The following RRN3 variants were observed in gnomAD, a reference collection of about 807,000 sequenced individuals.
RRN3 encodes the protein RNA polymerase I transcription factor RRN3.
Under a neutral mutation model 82.3 loss-of-function variants are expected in RRN3, and 38 were observed. The observed-to-expected ratio is 0.46, with a 90% CI of 0.36 to 0.61. The LOEUF (loss-of-function observed/expected upper bound fraction) is 0.61. RRN3 is among the 20% of genes least tolerant of loss of function. RRN3 has a pLI of 0.00. For synonymous variants in RRN3, 284 were observed against 284.3 expected, an observed-to-expected ratio of 1.00 and a Z score of 0.01; for missense variants, 726 against 793.1, an observed-to-expected ratio of 0.92 and a Z score of 1.02.
chr16:15,084,565 A>T, intron 7 of RRN3, 77 bp downstream of exon 7: 2 of 1,058,662 alleles, frequency 1.9e-6, no homozygotes, highest in Non-Finnish European at 2.8e-6. Context: ...TAATACTATT[A>T]ACATTTTATA....
chr16:15,086,580 A>T, intron 3 of RRN3, 126 bp from the exon 4 acceptor site: 1 of 1,397,784 alleles, frequency 7.2e-7, no homozygotes, highest in Non-Finnish European at 9.7e-7. Flanking sequence ...CTTGGAAGGA[A>T]CTCAAAACTG....
chr16:15,064,210 C>T lies in RRN3; in HGVS notation c.1707-927G>A, dbSNP rs751241312. On this transcript the variant is annotated intron_variant, in intron 16 of 17. Coordinates refer to ENST00000198767, the MANE Select transcript of RRN3 (RefSeq NM_018427.5). ...TGTTTTTCTGAGACAGAGTCTCACT[C>T]TCTCGCCCAGGCTGGAGTGCATTGG... 3.8e-4 allele frequency among the ~76,000 whole-genome samples: 57 copies of T among 151,890 alleles called. 1 individual carries two copies. Among genetic ancestry groups the T allele is most frequent in the Non-Finnish European group, 7.1e-4 (48 of 67,990 alleles).
At chr16:15,066,243 A>T (rs2044966570) in intron 15 of RRN3, among the ~76,000 whole-genome samples, 1 of 152,176 alleles carries the variant, frequency 6.6e-6, no homozygotes, top group African/African-American at 2.4e-5. Context: ...AAAGTTGAAG[A>T]TCTGCATCTC....
chr16:15,063,678 C>T (rs1454034691), intron 16 of RRN3, among the ~76,000 whole-genome samples: 1 of 128,068 alleles, frequency 7.8e-6, no homozygotes, highest in African/African-American at 2.9e-5. Context: ...GCACTCCAGC[C>T]TGGGAGACAG....
intron 3 of RRN3, among the ~76,000 whole-genome samples, chr16:15,088,734 A>G (rs1165975588): frequency 6.6e-6 from 1 of 152,168 alleles, no homozygotes; most frequent in Non-Finnish European, 1.5e-5. Context: ...AAAACTGAAA[A>G]ACGTTCAGTA....
chr16:15,086,548 G>T (rs1419119020), intron 3 of RRN3, 94 bp from the exon 4 acceptor site: 1 of 1,547,504 alleles, frequency 6.5e-7, no homozygotes, highest in Non-Finnish European at 8.7e-7. Context: ...TCAAGAATAG[G>T]TTGGGGGGAA....
intron 1 of RRN3, among the ~76,000 whole-genome samples, chr16:15,093,406 G>C (rs778631251): frequency 9.9e-5 from 15 of 152,206 alleles, no homozygotes; most frequent in African/African-American, 3.4e-4. Flanking sequence ...CCATTACCTT[G>C]TTGTATAACT....
chr16:15,075,463 G>C (rs764660128), intron 10 of RRN3, among the ~76,000 whole-genome samples: 10 of 151,776 alleles, frequency 6.6e-5, no homozygotes, highest in African/African-American at 2.4e-4. Context: ...CCAGCTACTC[G>C]GGGAGGCTGA....
intron 8 of RRN3, among the ~76,000 whole-genome samples, chr16:15,082,772 A>G (rs2045760035): frequency 6.6e-6 from 1 of 152,142 alleles, no homozygotes; most frequent in Non-Finnish European, 1.5e-5. Flanking sequence ...TCGGTTTTCT[A>G]CTAAGGCAAC....
At position 15,065,308 on chromosome 16, in the gene RRN3, G is replaced by C; in HGVS notation, c.1617C>G (p.Val539=). 1.2e-6 allele frequency: 2 copies of C among 1,613,736 alleles called. No homozygotes were observed. The highest frequency in any genetic ancestry group is 1.7e-6 in the Non-Finnish European group (2 of 1,179,690). The part of the protein sequence containing the change: ...IERNNRQMLP[V]IRSTAGGDSV... Reference sequence around the variant, plus strand: ...AGTCTCCTCCAGCGGTACTCCTAATGACTGGCAGCATCTGGCGATTGTTCC... The same window carrying C: ...AGTCTCCTCCAGCGGTACTCCTAATCACTGGCAGCATCTGGCGATTGTTCC... The change falls in exon 16 of 18, where the codon GTC becomes GTG. Residue 539 remains valine (V), a synonymous_variant. Coordinates refer to ENST00000198767, the MANE Select transcript of RRN3 (RefSeq NM_018427.5).
chr16:15,084,842 G>C (rs2045854337), intron 6 of RRN3, 137 bp from the exon 7 acceptor site: 1 of 674,948 alleles, frequency 1.5e-6, no homozygotes. Context: ...GAGGTGGGTG[G>C]ATCACCTGAG....
chr16:15,069,308 G>GCATC (rs2045120454), intron 14 of RRN3, among the ~76,000 whole-genome samples: 1 of 152,168 alleles, frequency 6.6e-6, no homozygotes, highest in Non-Finnish European at 1.5e-5. Context: ...CGACGATGAA[G>GCATC]GATGATGCAG....
intron 6 of RRN3, 45 bp downstream of exon 6, chr16:15,085,594 G>C (rs1209008358): frequency 6.3e-7 from 1 of 1,599,226 alleles, no homozygotes; most frequent in African/African-American, 1.3e-5. Flanking sequence ...CTGGGATTAT[G>C]GGTGAAAGCT....
chr16:15,076,424 A>G (rs961806411), intron 10 of RRN3, 134 bp downstream of exon 10: 102 of 708,328 alleles, frequency 1.4e-4, no homozygotes, highest in Non-Finnish European at 2.3e-4. Flanking sequence ...AATTACTCAT[A>G]TAAGGAATCG....
At chr16:15,092,723 T>C (rs1319505960) in intron 1 of RRN3, 109 bp from the exon 2 acceptor site, 19 of 717,708 alleles carry the variant, frequency 2.6e-5, no homozygotes, top group Non-Finnish European at 4.6e-5. Flanking sequence ...TTAAGGCCTC[T>C]TTACTGGTCT....
At chr16:15,075,968 T>C (rs1597929041) in intron 10 of RRN3, among the ~76,000 whole-genome samples, 1 of 152,098 alleles carries the variant, frequency 6.6e-6, no homozygotes, top group Admixed American at 6.5e-5. Flanking sequence ...AATGACTGAT[T>C]GACAAGGCAT....
intron 11 of RRN3, among the ~76,000 whole-genome samples, chr16:15,074,493 C>A (rs1046918526): frequency 1.3e-5 from 2 of 152,166 alleles, no homozygotes; most frequent in African/African-American, 2.4e-5. Flanking sequence ...TCTTTCAATA[C>A]AACAATCAGT....
intron 14 of RRN3, 149 bp downstream of exon 14, chr16:15,069,921 G>A (rs983453702): frequency 8.7e-6 from 9 of 1,039,736 alleles, no homozygotes; most frequent in Admixed American, 2.5e-5. Context: ...GGGCCTATGA[G>A]CTGCTTGAAA....
intron 16 of RRN3, among the ~76,000 whole-genome samples, chr16:15,064,938 G>A (rs927373813): frequency 4.6e-5 from 7 of 152,134 alleles, no homozygotes; most frequent in South Asian, 2.1e-4. Context: ...AGGCCGAGGC[G>A]GGCGGATCAC....
Sources: allele counts gnomAD v4.1 joint callset (sites outside exome capture counted in the v4.1 genomes callset), GRCh38; gene constraint gnomAD v4.1.1; transcripts MANE v1.5; gene names NCBI Gene and HGNC (gene_info 2026-07-23, HGNC 2026-07-21).